Variants in LRP1B observed in about 807,000 individuals in gnomAD.
LRP1B encodes low-density lipoprotein receptor-related protein 1B.
Under a neutral mutation model 556.6 loss-of-function variants are expected in LRP1B, and 217 were observed. That is an observed-to-expected ratio of 0.39 (90% CI 0.35 to 0.44). LRP1B has a LOEUF of 0.44. LRP1B is among the 20% of genes least tolerant of loss of function. The pLI, the probability that LRP1B is intolerant of heterozygous loss-of-function variation, is 1.00. For synonymous variants in LRP1B, 2,047 were observed against 1,865.8 expected (o/e 1.10, Z -2.50); for missense variants, 5,053 against 5,620.8 (o/e 0.90, Z 3.23).
At chr2:141,460,499 C>T (rs957275882) in intron 3 of LRP1B, among the ~76,000 whole-genome samples, 5 of 152,164 alleles carry the variant, frequency 3.3e-5, no homozygotes, top group African/African-American at 4.8e-5. Flanking sequence ...GAGGAGTTTA[C>T]GTTTCATTTT....
At chr2:141,869,542 A>T (rs538642910) in intron 1 of LRP1B, among the ~76,000 whole-genome samples, 1 of 152,226 alleles carries the variant, frequency 6.6e-6, no homozygotes, top group Admixed American at 6.5e-5. Context: ...GTGATTTGTG[A>T]TATGTACCTT....
chr2:140,607,489 T>C (rs1682910249), intron 41 of LRP1B, among the ~76,000 whole-genome samples: 1 of 152,100 alleles, frequency 6.6e-6, no homozygotes, highest in Admixed American at 6.6e-5. Flanking sequence ...AGCAGCTTTA[T>C]TTGTAATAAC....
chr2:141,912,959 G>A (rs1195712951), intron 1 of LRP1B, among the ~76,000 whole-genome samples: 1 of 152,102 alleles, frequency 6.6e-6, no homozygotes, highest in East Asian at 1.9e-4. Flanking sequence ...AGGCTCCTGT[G>A]TCATGGAGAA....
chr2:141,934,371 T>A (rs1421682734), intron 1 of LRP1B, among the ~76,000 whole-genome samples: 3 of 152,200 alleles, frequency 2.0e-5, no homozygotes, highest in African/African-American at 4.8e-5. Context: ...GAGAATTTTT[T>A]ATAATTGATG....
intron 3 of LRP1B, among the ~76,000 whole-genome samples, chr2:141,327,943 T>A (rs1687490255): frequency 6.6e-6 from 1 of 152,114 alleles, no homozygotes; most frequent in South Asian, 2.1e-4. Flanking sequence ...CACATCTATA[T>A]AATGTGATAA....
chr2:141,760,494 T>C (rs913929967), intron 2 of LRP1B, among the ~76,000 whole-genome samples: 3 of 152,220 alleles, frequency 2.0e-5, no homozygotes, highest in Non-Finnish European at 4.4e-5. Context: ...TATTATTTTA[T>C]GGTATGTAAA....
chr2:141,288,538 T>C (rs1020382749), intron 3 of LRP1B, among the ~76,000 whole-genome samples: 3 of 152,092 alleles, frequency 2.0e-5, no homozygotes, highest in African/African-American at 7.2e-5. Context: ...GATACTACAA[T>C]AGGTACTTTC....
At chr2:142,043,037 A>G (rs1308991332) in intron 1 of LRP1B, among the ~76,000 whole-genome samples, 1 of 151,512 alleles carries the variant, frequency 6.6e-6, no homozygotes, top group Non-Finnish European at 1.5e-5. Context: ...ATGTAACCCA[A>G]TTTGTGAAAC....
At chr2:141,932,704 AATT>A (rs1700539030) in intron 1 of LRP1B, among the ~76,000 whole-genome samples, 1 of 152,076 alleles carries the variant, frequency 6.6e-6, no homozygotes, top group Admixed American at 6.6e-5. Context: ...CTATCTTATG[AATT>A]ATTATTTATG....
chr2:141,748,944 A>G (rs1033893462), intron 2 of LRP1B, among the ~76,000 whole-genome samples: 2 of 152,202 alleles, frequency 1.3e-5, no homozygotes, highest in African/African-American at 4.8e-5. Flanking sequence ...TTCTAGAAAG[A>G]AGGAATAGTC....
At chr2:140,923,919 A>C (rs182464902) in intron 20 of LRP1B, among the ~76,000 whole-genome samples, 2 of 152,022 alleles carry the variant, frequency 1.3e-5, no homozygotes, top group Non-Finnish European at 2.9e-5. Flanking sequence ...CAGTTTAACA[A>C]TTGAATTACA....
At chr2:141,294,465 G>A (rs1202951762) in intron 3 of LRP1B, among the ~76,000 whole-genome samples, 2 of 151,920 alleles carry the variant, frequency 1.3e-5, no homozygotes, top group Non-Finnish European at 2.9e-5. Flanking sequence ...GCTCATGCCT[G>A]TAATCCTATC....
chr2:140,646,771 GA>G (rs1684499614), intron 41 of LRP1B, among the ~76,000 whole-genome samples: 1 of 151,476 alleles, frequency 6.6e-6, no homozygotes, highest in African/African-American at 2.4e-5. Flanking sequence ...ATCATTCCTA[GA>G]TATATATATA....
chr2:141,350,458 A>C (rs1215236573), intron 3 of LRP1B, among the ~76,000 whole-genome samples: 1 of 152,042 alleles, frequency 6.6e-6, no homozygotes, highest in Non-Finnish European at 1.5e-5. Flanking sequence ...GCCAATGTTC[A>C]TATTTGTTCA....
chr2:141,289,859 A>G (rs1388713976), intron 3 of LRP1B, among the ~76,000 whole-genome samples: 2 of 152,158 alleles, frequency 1.3e-5, no homozygotes, highest in African/African-American at 4.8e-5. Flanking sequence ...GTTTCTTCCT[A>G]CTTCTACCTT....
chr2:141,851,417 C>T (rs1003206192), intron 1 of LRP1B, among the ~76,000 whole-genome samples: 6 of 151,772 alleles, frequency 4.0e-5, no homozygotes, highest in African/African-American at 7.3e-5. Flanking sequence ...TTCTGCTATA[C>T]ACTGAAATAT....
intron 83 of LRP1B, among the ~76,000 whole-genome samples, chr2:140,306,845 T>C (rs1684088885): frequency 6.6e-6 from 1 of 152,174 alleles, no homozygotes; most frequent in Non-Finnish European, 1.5e-5. Flanking sequence ...CCAGAGATTC[T>C]GGTATGTTGT....
rs750421642 is a variant in LRP1B at position 141,059,065 on chromosome 2, G to A, written c.1237-11C>T. ...ATAAAGATGTCTAACCTATAAAGAG[G>A]GCAAAACATAACTATGATTTTTAAT... On this transcript the variant is annotated splice_polypyrimidine_tract_variant and intron_variant, in intron 8 of 90. Transcript: ENST00000389484. 3.5e-6 allele frequency: 5 copies of A among 1,436,122 alleles called. No homozygotes were observed. The highest frequency in any genetic ancestry group is 2.5e-5 in the East Asian group (1 of 39,346). The allele number at this position is 1,436,122 out of a possible 1,614,324, so 89.0% of individuals were successfully genotyped here.
At chr2:140,440,664 C>T (rs1301804170) in intron 66 of LRP1B, among the ~76,000 whole-genome samples, 1 of 151,998 alleles carries the variant, frequency 6.6e-6, no homozygotes, top group Non-Finnish European at 1.5e-5. Context: ...ATTTTCTTTA[C>T]ATTAATTAGC....
Sources: allele counts gnomAD v4.1 joint callset (sites outside exome capture counted in the v4.1 genomes callset), GRCh38; gene constraint gnomAD v4.1.1; transcripts MANE v1.5; gene names NCBI Gene and HGNC (gene_info 2026-07-23, HGNC 2026-07-21).